The following AHI1 variants were observed in gnomAD, a reference collection of about 807,000 sequenced individuals.
The protein encoded by AHI1 is jouberin.
In AHI1, 123 loss-of-function variants were observed where a neutral mutation model predicts 149.3. The observed-to-expected ratio is 0.82, with a 90% CI of 0.71 to 0.96. The LOEUF is 0.96. Ranked by LOEUF, AHI1 falls within the 40% of genes least tolerant of loss-of-function variation. AHI1 has a pLI of 0.00. For missense variants in AHI1, 1,439 were observed against 1,422.7 expected, an observed-to-expected ratio of 1.01 and a Z score of -0.18; for synonymous variants, 475 against 459.8, an observed-to-expected ratio of 1.03 and a Z score of -0.42.
chr6:135,360,929 A>G (rs550038168), intron 23 of AHI1, among the ~76,000 whole-genome samples: 245 of 152,340 alleles, frequency 1.6e-3, no homozygotes, highest in South Asian at 9.1e-3. Flanking sequence ...CTGCCTTTCA[A>G]TGATTTGACT....
At chr6:135,302,529 C>T in intron 26 of AHI1, 1 of 1,035,820 alleles carries the variant, frequency 9.7e-7, no homozygotes, top group Non-Finnish European at 1.2e-6. Context: ...ATCTTTTCTA[C>T]TGTGTATTCC....
chr6:135,310,327 A>C (rs1442949688), intron 26 of AHI1, among the ~76,000 whole-genome samples: 1 of 152,230 alleles, frequency 6.6e-6, no homozygotes, highest in Admixed American at 6.5e-5. Flanking sequence ...AAACACATGC[A>C]CATTGAGGGC....
intron 24 of AHI1, among the ~76,000 whole-genome samples, chr6:135,344,324 A>G (rs1790831350): frequency 6.6e-6 from 1 of 151,760 alleles, no homozygotes; most frequent in Non-Finnish European, 1.5e-5. Context: ...TAACTCTTAC[A>G]AGTCAATAAT....
At chr6:135,451,608 G>T (rs1412922317) in intron 11 of AHI1, among the ~76,000 whole-genome samples, 2 of 152,090 alleles carry the variant, frequency 1.3e-5, no homozygotes, top group South Asian at 2.1e-4. Context: ...TTTCTGGGGG[G>T]TGGGGATGGG....
intron 26 of AHI1, among the ~76,000 whole-genome samples, chr6:135,305,474 T>C (rs1434705149): frequency 6.6e-6 from 1 of 152,250 alleles, no homozygotes; most frequent in African/African-American, 2.4e-5. Context: ...GCAGGTGCTA[T>C]GAACTTTACA....
At chr6:135,295,915 C>G (rs544330491) in intron 27 of AHI1, among the ~76,000 whole-genome samples, 2 of 152,204 alleles carry the variant, frequency 1.3e-5, no homozygotes, top group Non-Finnish European at 2.9e-5. Context: ...TGCAGTGGCA[C>G]GATCTCGGCT....
At chr6:135,490,861 T>A in intron 4 of AHI1, 114 bp from the exon 5 acceptor site, 2 of 1,301,242 alleles carry the variant, frequency 1.5e-6, no homozygotes, top group Non-Finnish European at 2.1e-6. Context: ...GTTCTCTAGC[T>A]ACATTAGAAA....
chr6:135,301,318 C>A lies in AHI1; in HGVS notation c.3427-760G>T, dbSNP rs184237293. The A allele has an allele frequency of 8.4e-5, 81 of 969,030 alleles. No homozygotes were observed. In the African/African-American group the frequency reaches 1.4e-3, roughly 17 times the overall value. The allele number at this position is 969,030 out of a possible 1,614,324, so 60.0% of individuals were successfully genotyped here. A position where few individuals can be genotyped will look rare whatever the true frequency, so the allele number is the denominator to read the frequency against. On this transcript the variant is annotated intron_variant, in intron 26 of 28. Transcript: ENST00000265602. Reference sequence around the variant, plus strand: ...TACTATGTTTAAGTTCAATAATATACAAATGAAACAGATATACCATATGTT... The same window carrying A: ...TACTATGTTTAAGTTCAATAATATAAAAATGAAACAGATATACCATATGTT...
intron 5 of AHI1, among the ~76,000 whole-genome samples, chr6:135,485,746 T>C (rs560689624): frequency 2.0e-5 from 3 of 152,338 alleles, no homozygotes; most frequent in African/African-American, 7.2e-5. Flanking sequence ...TTGATTCACA[T>C]AGGTTTTCTA....
intron 20 of AHI1, among the ~76,000 whole-genome samples, chr6:135,425,331 T>C (rs1192606519): frequency 1.3e-5 from 2 of 151,974 alleles, no homozygotes; most frequent in African/African-American, 4.8e-5. Context: ...ATTTATATTC[T>C]AATAAATTGA....
At chr6:135,318,667 A>G (rs1786349683) in intron 25 of AHI1, 51 bp from the exon 26 acceptor site, 1 of 1,184,578 alleles carries the variant, frequency 8.4e-7, no homozygotes, top group African/African-American at 1.5e-5. Flanking sequence ...GCACTGCTCC[A>G]TGGGGGAAAA....
chr6:135,388,523 A>C (rs774560946), intron 23 of AHI1, among the ~76,000 whole-genome samples: 39 of 152,350 alleles, frequency 2.6e-4, no homozygotes, highest in South Asian at 2.1e-3. Context: ...TCTCTGGTGA[A>C]ATTATGATCC....
rs116317657 is a variant in AHI1, at chr6:135,449,959, T to C, written c.1441-1484A>G. On this transcript the variant is annotated intron_variant, in intron 11 of 28. Transcript: ENST00000265602. The stretch of plus-strand genomic sequence containing the variant: ...AGTGGACAGATGGTGGTACCACCAA[T>C]TGAAGTGGCAGAGAGAGTAGCACGG... Among the ~76,000 whole-genome samples, 692 of 152,302 alleles carry C rather than the reference T, an allele frequency of 4.5e-3. 6 individuals are homozygous for C. Among genetic ancestry groups the C allele is most frequent in the African/African-American group, 0.016 (659 of 41,552 alleles).
chr6:135,375,796 A>T (rs1453469939), intron 23 of AHI1, among the ~76,000 whole-genome samples: 1 of 152,236 alleles, frequency 6.6e-6, no homozygotes, highest in African/African-American at 2.4e-5. Context: ...GAGTGTACTT[A>T]GTCCCAGATT....
chr6:135,292,018 A>G (rs1782414311), intron 27 of AHI1, among the ~76,000 whole-genome samples: 1 of 152,226 alleles, frequency 6.6e-6, no homozygotes. Flanking sequence ...CAAAGAATGT[A>G]GAGCTGTGGT....
intron 28 of AHI1, among the ~76,000 whole-genome samples, chr6:135,288,867 A>G (rs1410089651): frequency 6.6e-6 from 1 of 151,920 alleles, no homozygotes; most frequent in Non-Finnish European, 1.5e-5. Flanking sequence ...CTAACATATT[A>G]CCTAATTATA....
chr6:135,362,578 C>G (rs984588754), intron 23 of AHI1, among the ~76,000 whole-genome samples: 2 of 152,156 alleles, frequency 1.3e-5, no homozygotes, highest in African/African-American at 4.8e-5. Flanking sequence ...GGTGGCATCA[C>G]ATTGCAGTTT....
chr6:135,444,738 G>A (rs757347943), intron 13 of AHI1, among the ~76,000 whole-genome samples: 1 of 152,230 alleles, frequency 6.6e-6, no homozygotes, highest in Non-Finnish European at 1.5e-5. Flanking sequence ...ATGTCTAGCT[G>A]AATAAAATCT....
chr6:135,301,656 A>G, intron 26 of AHI1: 1 of 985,468 alleles, frequency 1.0e-6, no homozygotes, highest in Non-Finnish European at 1.2e-6. Flanking sequence ...TAATAAAAAC[A>G]AGAATTAAAG....
Sources: gnomAD v4.1 joint callset for allele counts (sites outside exome capture counted in the v4.1 genomes callset) on GRCh38, gnomAD v4.1.1 for gene constraint, MANE v1.5 for transcripts, NCBI Gene and HGNC (gene_info 2026-07-23, HGNC 2026-07-21) for gene names.